The following LAT2 variants were observed in gnomAD, a reference collection of about 807,000 sequenced individuals.
LAT2 encodes linker for activation of T-cells family member 2.
LAT2 carries 23 observed loss-of-function variants against 43.4 expected under a neutral mutation model. The ratio of observed to expected loss-of-function variants is 0.53; its 90% confidence interval spans 0.38 to 0.75. The LOEUF (loss-of-function observed/expected upper bound fraction) is 0.75. Ranked by LOEUF, LAT2 falls within the 30% of genes least tolerant of loss-of-function variation. The pLI, the probability that LAT2 is intolerant of heterozygous loss-of-function variation, is 0.00. For synonymous variants in LAT2, 128 were observed against 123.2 expected (o/e 1.04, Z -0.26); for missense variants, 284 against 310.2 (o/e 0.92, Z 0.64).
rs1207098268 is a variant in LAT2, at chr7:74,220,505, C to T, written c.266-79C>T. 17 of 1,576,884 alleles carry T rather than the reference C, an allele frequency of 1.1e-5. No individual in the cohort carries two copies. The African/African-American group carries it at 2.3e-4, about 21-fold the overall frequency. ...GCTCAGACACGGGAAATAGCTGGCC[C>T]TGCCTTGGGCTGCAGCACCCGAGCT... On this transcript the variant is annotated intron_variant, in intron 7 of 13. Coordinates refer to ENST00000460943, the MANE Select transcript of LAT2 (RefSeq NM_032464.3). The surrounding 1 kb of genome is among the most constrained non-coding windows in gnomAD (Gnocchi z 4.5).
chr7:74,216,847 C>T lies in LAT2; in HGVS notation c.117C>T (p.Ile39=), dbSNP rs144269935. 2 of 1,613,818 alleles carry T rather than the reference C, an allele frequency of 1.2e-6. No homozygotes were observed. Among genetic ancestry groups the T allele is most frequent in the East Asian group, 4.5e-5 (2 of 44,870 alleles). ...CAGGTGCAAAGAGGTCAGAGAAAAT[C>T]TACCAGCAGAGAAGTCTGTGAGTTG... ...SRPGAKRSEK[I]YQQRSLREDQ... is the part of the protein sequence containing the mutation. The change falls in exon 4 of 14, where the codon ATC becomes ATT. Residue 39 remains isoleucine (I), a synonymous_variant. Coordinates refer to ENST00000460943, the MANE Select transcript of LAT2 (RefSeq NM_032464.3).
At chr7:74,227,239 T>C (rs1385624507) in intron 13 of LAT2, among the ~76,000 whole-genome samples, 1 of 151,748 alleles carries the variant, frequency 6.6e-6, no homozygotes, top group Non-Finnish European at 1.5e-5. Flanking sequence ...TTTTGTTTTT[T>C]GAGAGGGAGT....
intron 10 of LAT2, among the ~76,000 whole-genome samples, chr7:74,223,055 G>A (rs1347439546): frequency 1.3e-5 from 2 of 152,206 alleles, no homozygotes; most frequent in East Asian, 3.8e-4. Flanking sequence ...GAAGAGTCCA[G>A]CCCCTTCCCG....
chr7:74,214,663 T>TATATATATAAATATATATATGAAAATA lies in LAT2; in HGVS notation c.-218-139_-218-113dup, dbSNP rs1421947432. ...ATATGAAAATATATATATATGAAAATATATATATAAATATATATATGAAAA... is the reference window on the plus strand; with the variant it reads ...ATATGAAAATATATATATATGAAAATATATATATAAATATATATATGAAAATAATATATATAAATATATATATGAAAA... On this transcript the variant is annotated intron_variant, in intron 1 of 13. Transcript: ENST00000460943. Among the ~76,000 whole-genome samples the TATATATATAAATATATATATGAAAATA allele has an allele frequency of 1.4e-3, 94 of 67,866 alleles. 4 individuals carry two copies. Among genetic ancestry groups the TATATATATAAATATATATATGAAAATA allele is most frequent in the Non-Finnish European group, 2.0e-3 (80 of 40,684 alleles). The allele number at this position is 67,866 out of a possible 152,430, so 44.5% of individuals were successfully genotyped here.
At chr7:74,227,765 C>T (rs570067291) in intron 13 of LAT2, among the ~76,000 whole-genome samples, 4 of 151,936 alleles carry the variant, frequency 2.6e-5, no homozygotes, top group Non-Finnish European at 4.4e-5. Flanking sequence ...CCCAGCTACT[C>T]GGAGGTTGAG....
chr7:74,213,460 T>C (rs1172540944), intron 1 of LAT2, among the ~76,000 whole-genome samples: 1 of 132,290 alleles, frequency 7.6e-6, no homozygotes, highest in Non-Finnish European at 1.6e-5. Flanking sequence ...AGTCTCGCTC[T>C]GTTGCCCAGG....
intron 10 of LAT2, 130 bp from the exon 11 acceptor site, chr7:74,223,594 G>A (rs997512233): frequency 2.2e-5 from 18 of 816,920 alleles, no homozygotes; most frequent in Admixed American, 8.1e-5. Context: ...TTGAGGTCCC[G>A]GGGGACCCAG....
intron 4 of LAT2, among the ~76,000 whole-genome samples, chr7:74,218,194 G>A (rs781888135): frequency 1.3e-5 from 2 of 152,144 alleles, no homozygotes; most frequent in African/African-American, 2.4e-5. Flanking sequence ...CTGTCACCTC[G>A]GTTGGGCTCA....
intron 13 of LAT2, among the ~76,000 whole-genome samples, chr7:74,227,965 C>A (rs1268864463): frequency 6.8e-6 from 1 of 147,278 alleles, no homozygotes; most frequent in Non-Finnish European, 1.5e-5. Flanking sequence ...CACCTGAGGT[C>A]AGGAGTTCGA....
rs554271586 is a variant in LAT2, at chr7:74,221,902, C to T, written c.388+210C>T. Reference sequence around the variant, plus strand: ...GCGTGGGAGAGCTGTGGGCACAGGGCGTGGGAGAGAGGAGTGGGCCACAGG... The same window carrying T: ...GCGTGGGAGAGCTGTGGGCACAGGGTGTGGGAGAGAGGAGTGGGCCACAGG... On this transcript the variant is annotated intron_variant, in intron 10 of 13. Coordinates refer to ENST00000460943, the MANE Select transcript of LAT2 (RefSeq NM_032464.3). Among the ~76,000 whole-genome samples the T allele has an allele frequency of 5.6e-4, 78 of 139,794 alleles. No homozygotes were observed. The highest frequency in any genetic ancestry group is 9.6e-4 in the Non-Finnish European group (63 of 65,688). 91.7% of individuals were successfully genotyped at this position (139,794 alleles called of 152,430 possible).
At chr7:74,221,512 G>A in intron 9 of LAT2, 125 bp from the exon 10 acceptor site, 1 of 541,008 alleles carries the variant, frequency 1.8e-6, no homozygotes, top group Non-Finnish European at 3.2e-6. Context: ...GATCCTGGCA[G>A]ACCCCCATGG....
At chr7:74,213,901 C>T (rs1801830913) in intron 1 of LAT2, among the ~76,000 whole-genome samples, 1 of 151,020 alleles carries the variant, frequency 6.6e-6, no homozygotes, top group Non-Finnish European at 1.5e-5. Context: ...CCTTCAGAGA[C>T]CCCACCACCC....
rs1554716519 is a variant in LAT2, at chr7:74,229,221, A to G, written c.*296A>G. The G allele has an allele frequency of 6.6e-6, 1 of 152,238 alleles. No individual in the cohort carries two copies. Among genetic ancestry groups the G allele is most frequent in the African/African-American group, 2.4e-5 (1 of 41,454 alleles). The allele number at this position is 152,238 out of a possible 1,614,324, so 9.4% of individuals were successfully genotyped here. ...CGGCTCCTGGTATGGACGGATGCGCAGGATTTAGGATAAGCTGTCACCCAG... is the reference window on the plus strand; with the variant it reads ...CGGCTCCTGGTATGGACGGATGCGCGGGATTTAGGATAAGCTGTCACCCAG... On this transcript the variant is annotated 3_prime_UTR_variant, in exon 14 of 14. Transcript: ENST00000460943.
chr7:74,223,603 A>G, intron 10 of LAT2, 121 bp from the exon 11 acceptor site: 2 of 905,746 alleles, frequency 2.2e-6, no homozygotes, highest in Non-Finnish European at 3.6e-6. Flanking sequence ...CGGGGGACCC[A>G]GAGGGCTAGG....
At position 74,223,775 on chromosome 7, in the gene LAT2, C is replaced by T; in HGVS notation, c.440C>T (p.Thr147Ile). 1 of 1,613,944 alleles carries T rather than the reference C, an allele frequency of 6.2e-7. No homozygotes were observed. The highest frequency in any genetic ancestry group is 1.1e-5 in the South Asian group (1 of 91,080). Residue 147 changes from threonine (T) to isoleucine (I), a missense_variant, in exon 11 of 14, where the codon ACA becomes ATA. Transcript: ENST00000460943. ...ENVLICKQKT[T>I]ETGAQQEGIG... ...GTGCTCATTTGCAAGCAGAAAACCACAGAGACAGGTGAGGCTGCCCAGCCA... is the reference window on the plus strand; with the variant it reads ...GTGCTCATTTGCAAGCAGAAAACCATAGAGACAGGTGAGGCTGCCCAGCCA...
chr7:74,219,713 C>A (rs782272400), intron 4 of LAT2, 31 bp from the exon 5 acceptor site: 1 of 1,613,846 alleles, frequency 6.2e-7, no homozygotes, highest in Non-Finnish European at 8.5e-7. Flanking sequence ...GGAGTCCAGG[C>A]CCAGGCTCAG....
chr7:74,219,677 T>C, intron 4 of LAT2, 67 bp from the exon 5 acceptor site: 1 of 1,589,592 alleles, frequency 6.3e-7, no homozygotes. Flanking sequence ...TGTCCCTCCC[T>C]CCTGTCCCTG....
chr7:74,220,613 A>G lies in LAT2; in HGVS notation c.295A>G (p.Ser99Gly). The G allele has an allele frequency of 6.2e-7, 1 of 1,614,028 alleles. No homozygotes were observed. The highest frequency in any genetic ancestry group is 1.1e-5 in the South Asian group (1 of 91,084). ...AGCATCTTCCAGGTACCAGAACTTC[A>G]GCAAAGGTAGGTAGGCTCCTGGAGA... ...DPASSRYQNF[S>G]KGSRHGSEEA... Residue 99 changes from serine (S) to glycine (G), a missense_variant, in exon 8 of 14, where the codon AGC (serine) becomes GGC (glycine). Coordinates refer to ENST00000460943, the MANE Select transcript of LAT2 (RefSeq NM_032464.3). This position sits in a 1 kb window ranked among gnomAD's most constrained non-coding sequence, Gnocchi z 4.5.
intron 5 of LAT2, 68 bp downstream of exon 5, chr7:74,219,855 C>T: frequency 6.2e-7 from 1 of 1,611,782 alleles, no homozygotes; most frequent in Non-Finnish European, 8.5e-7. Flanking sequence ...ATCTCGGTCC[C>T]CATTGACCTG....
Sources: gnomAD v4.1 joint callset for allele counts (sites outside exome capture counted in the v4.1 genomes callset) on GRCh38, gnomAD v4.1.1 for gene constraint, Gnocchi (gnomAD v3.1) non-coding constraint, MANE v1.5 for transcripts, NCBI Gene and HGNC (gene_info 2026-07-23, HGNC 2026-07-21) for gene names.